BBX: variants seen among roughly 807,000 people sequenced by gnomAD.
The protein encoded by BBX is HMG box transcription factor BBX.
BBX carries 30 observed loss-of-function variants against 100.2 expected under a neutral mutation model. That is an observed-to-expected ratio of 0.30 (90% CI 0.22 to 0.41). The LOEUF is 0.41. Among genes scored for constraint, BBX ranks in the 10% least tolerant of loss-of-function variants. The probability of loss-of-function intolerance (pLI) is 1.00; values close to 1 mark genes in which losing one functional copy is unlikely to be tolerated. For missense variants in BBX, 1,023 were observed against 1,129.8 expected (o/e 0.91, Z 1.35); for synonymous variants, 376 against 388.1 (o/e 0.97, Z 0.37).
At chr3:107,760,137 G>A (rs532923694) in intron 10 of BBX, among the ~76,000 whole-genome samples, 4 of 152,302 alleles carry the variant, frequency 2.6e-5, no homozygotes, top group African/African-American at 9.6e-5. Context: ...GACAATAAGT[G>A]TTAGAGCCTA....
intron 2 of BBX, among the ~76,000 whole-genome samples, chr3:107,563,686 A>C: frequency 6.6e-6 from 1 of 152,194 alleles, no homozygotes; most frequent in East Asian, 1.9e-4. Context: ...GTAAAATAGG[A>C]AACATTTTTA....
At chr3:107,640,298 A>G (rs1243916135) in intron 2 of BBX, among the ~76,000 whole-genome samples, 10 of 152,202 alleles carry the variant, frequency 6.6e-5, no homozygotes, top group Non-Finnish European at 1.5e-4. Flanking sequence ...CCCACATTTC[A>G]TGTCCTACTT....
At chr3:107,801,382 G>C in intron 17 of BBX, 101 bp downstream of exon 17, 1 of 1,308,332 alleles carries the variant, frequency 7.6e-7, no homozygotes, top group Non-Finnish European at 1.0e-6. Context: ...GTTCAAACTT[G>C]GTTCAAGAGC....
chr3:107,798,801 C>G (rs1269854818), intron 16 of BBX, 81 bp downstream of exon 16: 4 of 1,342,362 alleles, frequency 3.0e-6, no homozygotes, highest in Non-Finnish European at 4.2e-6. Flanking sequence ...TTGTCTTGAG[C>G]CACAATGAAA....
At chr3:107,624,357 ATTTTTATT>A (rs1007132922) in intron 2 of BBX, among the ~76,000 whole-genome samples, 4 of 152,144 alleles carry the variant, frequency 2.6e-5, no homozygotes, top group Non-Finnish European at 4.4e-5. Context: ...GTGTTTAAAA[ATTTTTATT>A]TTTTTATTTT....
intron 2 of BBX, among the ~76,000 whole-genome samples, chr3:107,534,230 A>AT (rs964194106): frequency 1.3e-5 from 2 of 152,228 alleles, no homozygotes; most frequent in African/African-American, 4.8e-5. Flanking sequence ...AGGGACTCTT[A>AT]TTAGCAATGC....
intron 3 of BBX, among the ~76,000 whole-genome samples, chr3:107,710,023 G>T (rs569275923): frequency 6.6e-6 from 1 of 152,218 alleles, no homozygotes; most frequent in East Asian, 1.9e-4. Flanking sequence ...GAGAATGCCT[G>T]GGGGGCAAGC....
chr3:107,688,740 T>A (rs990796783), intron 3 of BBX, among the ~76,000 whole-genome samples: 1 of 152,188 alleles, frequency 6.6e-6, no homozygotes, highest in African/African-American at 2.4e-5. Flanking sequence ...TATTTTATAA[T>A]CACTGTCATC....
At chr3:107,714,010 C>G (rs2061925116) in intron 4 of BBX, among the ~76,000 whole-genome samples, 1 of 87,518 alleles carries the variant, frequency 1.1e-5, no homozygotes, top group South Asian at 4.5e-4. Flanking sequence ...GAGTCTTGCT[C>G]TGTTGCCCAG....
chr3:107,757,175 G>A (rs1005124585), intron 10 of BBX, among the ~76,000 whole-genome samples: 2 of 151,808 alleles, frequency 1.3e-5, no homozygotes, highest in South Asian at 2.1e-4. Context: ...AGCTTTCAAT[G>A]TATGATATTT....
chr3:107,792,501 T>G (rs2069166573), intron 15 of BBX, among the ~76,000 whole-genome samples: 1 of 152,240 alleles, frequency 6.6e-6, no homozygotes. Flanking sequence ...TGAGTTCATG[T>G]TAAACATAAG....
intron 3 of BBX, among the ~76,000 whole-genome samples, chr3:107,666,047 G>A (rs2058724431): frequency 6.6e-6 from 1 of 152,178 alleles, no homozygotes; most frequent in Admixed American, 6.5e-5. Context: ...CTTTCAAGGA[G>A]TTATTTGACT....
At chr3:107,768,814 C>T (rs1475226036) in intron 10 of BBX, among the ~76,000 whole-genome samples, 2 of 150,412 alleles carry the variant, frequency 1.3e-5, no homozygotes, top group African/African-American at 4.9e-5. Context: ...GTAGTTACCC[C>T]TTCTCATCTA....
At chr3:107,743,918 G>GTTTTTTTTTTTTTTTTTTTT (rs34762783) in intron 7 of BBX, among the ~76,000 whole-genome samples, 3 of 56,622 alleles carry the variant, frequency 5.3e-5, no homozygotes, top group African/African-American at 7.0e-5. Flanking sequence ...TGTTTTAGTG[G>GTTTTTTTTTTTTTTTTTTTT]TTTTTTTTTT....
chr3:107,664,311 C>A (rs940753866), intron 3 of BBX, among the ~76,000 whole-genome samples: 3 of 152,112 alleles, frequency 2.0e-5, no homozygotes, highest in Admixed American at 6.5e-5. Context: ...GAACTTGTTA[C>A]ATTTTATGCT....
At chr3:107,597,848 G>C (rs2053771157) in intron 2 of BBX, among the ~76,000 whole-genome samples, 1 of 151,878 alleles carries the variant, frequency 6.6e-6, no homozygotes, top group Non-Finnish European at 1.5e-5. Context: ...GTTTTGTTTT[G>C]TTTTGTTTTG....
At chr3:107,713,812 A>AC (rs1163752102) in intron 4 of BBX, among the ~76,000 whole-genome samples, 1 of 151,978 alleles carries the variant, frequency 6.6e-6, no homozygotes, top group Non-Finnish European at 1.5e-5. Flanking sequence ...TCTTTTACAT[A>AC]CCAGTGTTGT....
At chr3:107,540,608 G>T (rs892196680) in intron 2 of BBX, among the ~76,000 whole-genome samples, 1 of 152,178 alleles carries the variant, frequency 6.6e-6, no homozygotes, top group East Asian at 1.9e-4. Context: ...AGTGTTGCCT[G>T]TATAGAGGTA....
At chr3:107,764,537 G>T (rs1204079562) in intron 10 of BBX, among the ~76,000 whole-genome samples, 1 of 152,140 alleles carries the variant, frequency 6.6e-6, no homozygotes, top group Non-Finnish European at 1.5e-5. Flanking sequence ...TAGACGATAG[G>T]TATCAAATAT....
Sources: allele counts gnomAD v4.1 joint callset (sites outside exome capture counted in the v4.1 genomes callset), GRCh38; gene constraint gnomAD v4.1.1; transcripts MANE v1.5; gene names NCBI Gene and HGNC (gene_info 2026-07-23, HGNC 2026-07-21).